KPNA7: variants seen among roughly 807,000 people sequenced by gnomAD.
KPNA7 encodes the protein importin subunit alpha-8.
In KPNA7, 54 loss-of-function variants were observed where a neutral mutation model predicts 53.7. The ratio of observed to expected loss-of-function variants is 1.01; its 90% confidence interval spans 0.81 to 1.26. The LOEUF (loss-of-function observed/expected upper bound fraction) is 1.26, where lower values mean the gene tolerates loss of function less well. KPNA7 is among the 50% of genes most tolerant of loss of function. KPNA7 has a pLI of 0.00. For synonymous variants in KPNA7, 276 were observed against 259.3 expected (o/e 1.06, Z -0.62); for missense variants, 640 against 644.5 (o/e 0.99, Z 0.07).
At chr7:99,190,704 G>A (rs1789904110) in intron 6 of KPNA7, among the ~76,000 whole-genome samples, 1 of 149,788 alleles carries the variant, frequency 6.7e-6, no homozygotes, top group South Asian at 2.1e-4. Flanking sequence ...CACCCAGGCT[G>A]GAGTGCAGTG....
At chr7:99,213,667 G>A (rs1791133335) in intron 1 of KPNA7, among the ~76,000 whole-genome samples, 1 of 151,988 alleles carries the variant, frequency 6.6e-6, no homozygotes, top group African/African-American at 2.4e-5. Context: ...TTGGGGTGCA[G>A]TGATACAATC....
At chr7:99,155,129 G>A in the KPNA7 span, among the ~76,000 whole-genome samples, 1 of 152,154 alleles carries the variant, frequency 6.6e-6, no homozygotes, top group Non-Finnish European at 1.5e-5. Flanking sequence ...TATGAAAGAT[G>A]AGGAGTTAGG....
At position 99,203,201 on chromosome 7, in the gene KPNA7, G is replaced by A. The variant is rs760378316; in HGVS notation, c.106C>T (p.Arg36Ter). 2.1e-5 allele frequency: 33 copies of A among 1,551,428 alleles called. No individual in the cohort carries two copies. The highest frequency in any genetic ancestry group is 1.7e-4 in the Middle Eastern group (1 of 6,012). ...QQRMAVSLEL[R>*]KAKKDEQTLK... Reference sequence around the variant, plus strand: ...GTCTGTTCATCTTTCTTGGCCTTTCGGAGCTCCAGACTGACCGCCATCCTC... The same window carrying A: ...GTCTGTTCATCTTTCTTGGCCTTTCAGAGCTCCAGACTGACCGCCATCCTC... Residue 36 changes from arginine to a stop codon, truncating the protein, a stop_gained, in exon 3 of 11, where the codon CGA becomes TGA. Transcript: ENST00000327442. LOFTEE classifies it high-confidence loss of function.
At chr7:99,184,778 C>T (rs1789488973) in intron 8 of KPNA7, 151 bp downstream of exon 8, 1 of 692,922 alleles carries the variant, frequency 1.4e-6, no homozygotes, top group Non-Finnish European at 2.5e-6. Flanking sequence ...CGCCCCCTTC[C>T]TTTTTTTCAG....
At chr7:99,210,197 G>A (rs1449272324), upstream of KPNA7, among the ~76,000 whole-genome samples, 1 of 152,134 alleles carries the variant, frequency 6.6e-6, no homozygotes, top group Non-Finnish European at 1.5e-5. Flanking sequence ...ATTATCAAGT[G>A]TTCCAGGTTC....
In KPNA7 at chr7:99,203,111, C is replaced by A. The variant is rs968976477; in HGVS notation, c.196G>T (p.Val66Leu). 15 of 1,551,538 alleles carry A rather than the reference C, an allele frequency of 9.7e-6. No individual in the cohort carries two copies. The highest frequency in any genetic ancestry group is 1.1e-5 in the Non-Finnish European group (13 of 1,146,992). ...TCTAAACACTACATACTGACCGCCACCCCTTTGGCTGTTTTTTCAGAAGGT... is the reference window on the plus strand; with the variant it reads ...TCTAAACACTACATACTGACCGCCAACCCTTTGGCTGTTTTTTCAGAAGGT... ...DTPSEKTAKGVAVSLTLGEII... is the reference protein window; with the variant it reads ...DTPSEKTAKGLAVSLTLGEII... The change falls in exon 3 of 11, where the codon GTG becomes TTG. Residue 66 changes from valine to leucine, a missense_variant. Val to Leu is a conservative substitution (Grantham distance 32, BLOSUM62 1). Coordinates refer to ENST00000327442, the MANE Select transcript of KPNA7 (RefSeq NM_001145715.3).
At chr7:99,183,745 G>T (rs991489581) in intron 8 of KPNA7, among the ~76,000 whole-genome samples, 3 of 152,124 alleles carry the variant, frequency 2.0e-5, no homozygotes, top group Admixed American at 2.0e-4. Context: ...ACTATAGATG[G>T]TTTAAACATA....
At chr7:99,154,512 T>C in the KPNA7 span, among the ~76,000 whole-genome samples, 1 of 151,694 alleles carries the variant, frequency 6.6e-6, no homozygotes, top group Non-Finnish European at 1.5e-5. Flanking sequence ...TATGTAGTTA[T>C]GCTTCAGAAA....
At chr7:99,149,147 C>G in the KPNA7 span, among the ~76,000 whole-genome samples, 1 of 152,126 alleles carries the variant, frequency 6.6e-6, no homozygotes, top group East Asian at 1.9e-4. Context: ...AAGTGATCCG[C>G]CTGCCTCTGC....
At chr7:99,213,664 G>C (rs1424672744) in intron 1 of KPNA7, among the ~76,000 whole-genome samples, 1 of 151,964 alleles carries the variant, frequency 6.6e-6, no homozygotes, top group African/African-American at 2.4e-5. Context: ...AGGTTGGGGT[G>C]CAGTGATACA....
At chr7:99,184,565 A>G (rs1281355042) in intron 8 of KPNA7, among the ~76,000 whole-genome samples, 1 of 152,144 alleles carries the variant, frequency 6.6e-6, no homozygotes, top group East Asian at 1.9e-4. Flanking sequence ...CCATAGCATG[A>G]TATGTTTTTC....
intron 9 of KPNA7, 41 bp from the exon 10 acceptor site, chr7:99,178,107 G>A (rs1257212174): frequency 6.5e-7 from 1 of 1,538,146 alleles, no homozygotes. Flanking sequence ...CCCGGCAGGA[G>A]CCTTTGGGGG....
At chr7:99,196,023 C>G in intron 4 of KPNA7, 61 bp downstream of exon 4, 2 of 1,369,816 alleles carry the variant, frequency 1.5e-6, no homozygotes, top group Non-Finnish European at 2.0e-6. Flanking sequence ...GGCGCTCCAG[C>G]CATCACTGAC....
At chr7:99,214,217 G>A (rs1791146606) in intron 1 of KPNA7, among the ~76,000 whole-genome samples, 1 of 151,188 alleles carries the variant, frequency 6.6e-6, no homozygotes, top group Admixed American at 6.6e-5. Flanking sequence ...ATCCTCTGAG[G>A]TCAGGAGTTT....
At chr7:99,219,013 T>G (rs1196917584) in intron 1 of KPNA7, among the ~76,000 whole-genome samples, 1 of 152,248 alleles carries the variant, frequency 6.6e-6, no homozygotes, top group Non-Finnish European at 1.5e-5. Flanking sequence ...CCTCAGCTGA[T>G]GGCAGGTGTT....
intron 10 of KPNA7, 53 bp downstream of exon 10, chr7:99,177,867 G>GAGCT: frequency 1.3e-6 from 2 of 1,538,896 alleles, no homozygotes; most frequent in Non-Finnish European, 1.8e-6. Flanking sequence ...ACCCTCTGCA[G>GAGCT]AGCTGCCCCA....
intron 4 of KPNA7, 49 bp downstream of exon 4, chr7:99,196,035 C>G: frequency 6.9e-7 from 1 of 1,457,926 alleles, no homozygotes; most frequent in Non-Finnish European, 9.4e-7. Flanking sequence ...ATCACTGACG[C>G]TCATTGCTAA....
intron 9 of KPNA7, among the ~76,000 whole-genome samples, chr7:99,181,054 CGTCTGTGTCTCTCTCTCCA>C (rs1799223170): frequency 2.9e-4 from 3 of 10,498 alleles, no homozygotes; most frequent in African/African-American, 9.1e-4. Context: ...TCTCTCTCTC[CGTCTGTGTCTCTCTCTCCA>C]TCTGTGTCTC....
At chr7:99,149,413 C>G in the KPNA7 span, among the ~76,000 whole-genome samples, 5 of 152,168 alleles carry the variant, frequency 3.3e-5, no homozygotes, top group African/African-American at 1.2e-4. Flanking sequence ...ATTCTCCAAG[C>G]CTTGCTTTGC....
Sources: allele counts gnomAD v4.1 joint callset (sites outside exome capture counted in the v4.1 genomes callset), GRCh38; gene constraint gnomAD v4.1.1; transcripts MANE v1.5; gene names NCBI Gene and HGNC (gene_info 2026-07-23, HGNC 2026-07-21).